The following MYOM2 variants were observed in gnomAD, a reference collection of about 807,000 sequenced individuals.
MYOM2 encodes the protein myomesin 2.
A neutral mutation model predicts 187.6 loss-of-function variants in MYOM2; 254 were observed. The observed-to-expected ratio is 1.35, with a 90% CI of 1.22 to 1.50. The LOEUF (loss-of-function observed/expected upper bound fraction) is 1.50. Among genes scored for constraint, MYOM2 ranks in the 40% most tolerant of loss-of-function variants. MYOM2 has a pLI of 0.00. For synonymous variants in MYOM2, 981 were observed against 753.8 expected (o/e 1.30, Z -4.94); for missense variants, 2,796 against 1,924.0 (o/e 1.45, Z -8.48).
Position 2,123,632 on chromosome 8 carries a change from A to G in MYOM2, c.3645A>G (p.Ile1215Met). Residue 1215 changes from isoleucine (I) to methionine (M), a missense_variant, in exon 30 of 37, where the codon ATA becomes ATG. By Grantham distance (10) the Ile-to-Met change is conservative. Transcript: ENST00000262113. The stretch of plus-strand genomic sequence containing the variant: ...GCCAAGATGTGTCCATCCTTGAAAT[A>G]GCTGGCAAAGGTAAAAGAAAACCTC... ...DRGQDVSILE[I>M]AGKVYDDMIL... The G allele has an allele frequency of 6.2e-7, 1 of 1,614,120 alleles. No individual in the cohort carries two copies. The highest frequency in any genetic ancestry group is 1.1e-5 in the South Asian group (1 of 91,088).
At chr8:2,111,380 A>T (rs1055245954) in intron 25 of MYOM2, among the ~76,000 whole-genome samples, 2 of 152,238 alleles carry the variant, frequency 1.3e-5, no homozygotes, top group African/African-American at 4.8e-5. Flanking sequence ...ACCTGCCCAG[A>T]CATTGCAGCA....
chr8:2,079,457 G>C, intron 12 of MYOM2, 103 bp from the exon 13 acceptor site: 1 of 1,113,898 alleles, frequency 9.0e-7, no homozygotes, highest in Non-Finnish European at 1.4e-6. Flanking sequence ...ACAGGTTGTA[G>C]TCCTAATGCA....
chr8:2,094,234 G>C, intron 17 of MYOM2, 143 bp downstream of exon 17: 1 of 1,085,322 alleles, frequency 9.2e-7, no homozygotes, highest in South Asian at 1.7e-5. Flanking sequence ...GAGTTTCTTT[G>C]AAGCCTCTCG....
intron 15 of MYOM2, 56 bp downstream of exon 15, chr8:2,090,247 C>A: frequency 6.6e-7 from 1 of 1,511,312 alleles, no homozygotes; most frequent in Non-Finnish European, 9.1e-7. Context: ...TGGGGTGACA[C>A]CAAATAGCCT....
rs780457663 is a variant in MYOM2, at chr8:2,085,381, C to T, written c.1635C>T (p.Phe545=). 5 of 1,613,706 alleles carry T rather than the reference C, an allele frequency of 3.1e-6. No individual in the cohort carries two copies. In the African/African-American group the frequency reaches 5.3e-5, roughly 17 times the overall value. ...GTGGCAAGGACCCGCTCATGTACTT[C>T]ATTGAGAAGGTAAACTCCGGGCCCG... ...TPRGKDPLMY[F]IEKSVVGSGS... The change falls in exon 14 of 37, where the codon TTC becomes TTT. Residue 545 remains phenylalanine, a synonymous_variant. Coordinates refer to ENST00000262113, the MANE Select transcript of MYOM2 (RefSeq NM_003970.4).
At chr8:2,138,052 C>T (rs140047828) in intron 32 of MYOM2, among the ~76,000 whole-genome samples, 61 of 152,298 alleles carry the variant, frequency 4.0e-4, no homozygotes, top group Middle Eastern at 3.4e-3. Flanking sequence ...TCCTTTTATA[C>T]ACAGGGATGA....
At chr8:2,137,271 C>A (rs1435099415) in intron 32 of MYOM2, among the ~76,000 whole-genome samples, 1 of 151,986 alleles carries the variant, frequency 6.6e-6, no homozygotes, top group Admixed American at 6.6e-5. Context: ...TGAGCTCACA[C>A]AGGGTGGCAG....
intron 12 of MYOM2, 105 bp downstream of exon 12, chr8:2,079,038 T>C: frequency 9.2e-7 from 1 of 1,084,902 alleles, no homozygotes; most frequent in East Asian, 2.4e-5. Flanking sequence ...GCCCTGAGAA[T>C]GCCCTGTGTG....
chr8:2,106,208 C>G (rs1489926713), intron 21 of MYOM2, 34 bp from the exon 22 acceptor site: 3 of 1,607,220 alleles, frequency 1.9e-6, no homozygotes, highest in Non-Finnish European at 2.6e-6. Flanking sequence ...ACACCGTGTC[C>G]CTAAGCCGCT....
intron 32 of MYOM2, among the ~76,000 whole-genome samples, chr8:2,137,592 G>A (rs1176715388): frequency 6.6e-6 from 1 of 150,680 alleles, no homozygotes; most frequent in African/African-American, 2.5e-5. Context: ...GCATTTGTTT[G>A]AACTTTGACC....
Position 2,069,313 on chromosome 8 carries a change from T to C in MYOM2, c.689T>C (p.Val230Ala). The C allele has an allele frequency of 2.5e-6, 4 of 1,613,720 alleles. No homozygotes were observed. The South Asian group carries it at 4.4e-5, about 18-fold the overall frequency. Residue 230 changes from valine to alanine, a missense_variant, in exon 7 of 37, where the codon GTG becomes GCG. Physicochemically the swap from Val to Ala is moderately conservative, Grantham distance 64. Transcript: ENST00000262113. ...DFDDTATYSA[V>A]ATNAHGQVST... Reference sequence around the variant, plus strand: ...GACGACACTGCGACATACTCAGCAGTGGCCACCAATGCCCACGGACAAGTG... The same window carrying C: ...GACGACACTGCGACATACTCAGCAGCGGCCACCAATGCCCACGGACAAGTG...
intron 28 of MYOM2, among the ~76,000 whole-genome samples, chr8:2,120,690 ATATATAAT>A (rs1797417663): frequency 1.7e-4 from 7 of 40,640 alleles, no homozygotes; most frequent in African/African-American, 7.6e-4. Context: ...TTATATATAA[ATATATAAT>A]ATATATATTT....
intron 9 of MYOM2, 27 bp from the exon 10 acceptor site, chr8:2,073,311 CA>C (rs1563431666): frequency 1.3e-6 from 2 of 1,582,180 alleles, no homozygotes; most frequent in Admixed American, 3.5e-5. Context: ...ATTTTGGATG[CA>C]AACCTTCCGT....
chr8:2,142,673 C>G (rs961574898), intron 35 of MYOM2, among the ~76,000 whole-genome samples: 2 of 149,864 alleles, frequency 1.3e-5, no homozygotes, highest in Non-Finnish European at 3.0e-5. Context: ...GGCCACTTCA[C>G]TTTCTTTCCC....
chr8:2,060,960 G>T (rs1818833207), intron 6 of MYOM2, among the ~76,000 whole-genome samples: 1 of 152,012 alleles, frequency 6.6e-6, no homozygotes, highest in South Asian at 2.1e-4. Context: ...ACTAGGGGGA[G>T]ATGGGGGTGA....
At chr8:2,130,146 C>G (rs1429615676) in intron 32 of MYOM2, among the ~76,000 whole-genome samples, 1 of 124,662 alleles carries the variant, frequency 8.0e-6, no homozygotes, top group Non-Finnish European at 1.6e-5. Flanking sequence ...GGCGTCCCCA[C>G]CGCGCCTTTA....
intron 15 of MYOM2, among the ~76,000 whole-genome samples, chr8:2,090,757 A>G (rs1211486566): frequency 6.6e-6 from 1 of 152,190 alleles, no homozygotes; most frequent in East Asian, 1.9e-4. Flanking sequence ...GCTAAGGATA[A>G]TGGCCTCCAG....
At chr8:2,058,672 C>G (rs1177852773) in intron 5 of MYOM2, among the ~76,000 whole-genome samples, 1 of 152,206 alleles carries the variant, frequency 6.6e-6, no homozygotes, top group Non-Finnish European at 1.5e-5. Context: ...CTTTGGAAGA[C>G]AGGCTTGGGA....
At chr8:2,049,348 C>G in intron 1 of MYOM2, among the ~76,000 whole-genome samples, 1 of 152,196 alleles carries the variant, frequency 6.6e-6, no homozygotes, top group East Asian at 1.9e-4. Context: ...GTCCTGTTTT[C>G]TTCCCTGTAG....
Sources: allele counts gnomAD v4.1 joint callset (sites outside exome capture counted in the v4.1 genomes callset), GRCh38; gene constraint gnomAD v4.1.1; transcripts MANE v1.5; gene names NCBI Gene and HGNC (gene_info 2026-07-23, HGNC 2026-07-21).